The following PPP6R3 variants were observed in gnomAD, a reference collection of about 807,000 sequenced individuals.
The protein encoded by PPP6R3 is protein phosphatase 6 regulatory subunit 3, also known as serine/threonine-protein phosphatase 6 regulatory subunit 3.
Under a neutral mutation model 110.7 loss-of-function variants are expected in PPP6R3, and 38 were observed. The observed-to-expected ratio is 0.34, with a 90% CI of 0.26 to 0.45. PPP6R3 has a LOEUF of 0.45. Among genes scored for constraint, PPP6R3 ranks in the 20% least tolerant of loss-of-function variants. PPP6R3 has a pLI of 1.00. For missense variants in PPP6R3, 870 were observed against 1,062.4 expected, an observed-to-expected ratio of 0.82 and a Z score of 2.52; for synonymous variants, 369 against 373.5, an observed-to-expected ratio of 0.99 and a Z score of 0.14.
intron 1 of PPP6R3, among the ~76,000 whole-genome samples, chr11:68,502,462 G>T (rs1158081350): frequency 6.6e-6 from 1 of 152,120 alleles, no homozygotes; most frequent in Non-Finnish European, 1.5e-5. Context: ...TGCAGGGGGC[G>T]CTAACCAAGA....
intron 17 of PPP6R3, 88 bp from the exon 18 acceptor site, chr11:68,591,488 A>G: frequency 7.6e-7 from 1 of 1,311,364 alleles, no homozygotes; most frequent in Non-Finnish European, 1.0e-6. Flanking sequence ...AAGCAGTGAA[A>G]AAATGCAATT....
intron 1 of PPP6R3, among the ~76,000 whole-genome samples, chr11:68,470,753 G>C (rs1433385924): frequency 1.3e-5 from 2 of 152,124 alleles, no homozygotes; most frequent in Non-Finnish European, 2.9e-5. Context: ...AGGATTTGCT[G>C]GCAGATTGGA....
intron 15 of PPP6R3, 78 bp downstream of exon 15, chr11:68,583,207 G>C: frequency 8.9e-7 from 1 of 1,120,600 alleles, no homozygotes; most frequent in Non-Finnish European, 1.3e-6. Context: ...ATCAGCTTCA[G>C]AGTCAGATTA....
In PPP6R3 at chr11:68,601,392, G is replaced by GT. The variant is rs543423527; in HGVS notation, c.2193-464dup. ...ACCCCTTACTGCTCAGGCATTTGGT[G>GT]TTTTTTTACTATGTTTCCACAGTTC... is the stretch of plus-strand genomic sequence containing the variant. On this transcript the variant is annotated intron_variant, in intron 20 of 23. Transcript: ENST00000393800. Among the ~76,000 whole-genome samples, 20 of 152,258 alleles carry GT rather than the reference G, an allele frequency of 1.3e-4. No homozygotes were observed. The South Asian group carries it at 3.5e-3, about 27-fold the overall frequency.
rs917321447 is a variant in PPP6R3, at chr11:68,603,389, G to A, written c.2347G>A (p.Ala783Thr). ...AGCCAGCTCTGACGGAGAGGAGGAT[G>A]CAGAAAGTACAGACAAGGTAACTGA... ...MEASSDGEED[A>T]ESTDKVTETV... The change falls in exon 22 of 24, where the codon GCA becomes ACA. Residue 783 changes from alanine to threonine, a missense_variant. Physicochemically the swap from Ala to Thr is moderately conservative, Grantham distance 58 (BLOSUM62 0). Transcript: ENST00000393800. 1.9e-6 allele frequency: 3 copies of A among 1,613,938 alleles called. No individual in the cohort carries two copies. The highest frequency in any genetic ancestry group is 1.7e-6 in the Non-Finnish European group (2 of 1,180,020).
chr11:68,542,027 G>C (rs902080587), intron 3 of PPP6R3, among the ~76,000 whole-genome samples: 4 of 151,960 alleles, frequency 2.6e-5, no homozygotes, highest in Admixed American at 2.6e-4. Context: ...TGGAGTCAGG[G>C]GTGGTGTGGG....
chr11:68,533,491 T>A (rs1400289186), intron 2 of PPP6R3, among the ~76,000 whole-genome samples: 2 of 151,862 alleles, frequency 1.3e-5, no homozygotes, highest in Non-Finnish European at 2.9e-5. Context: ...GGTGGTCGAT[T>A]GCTTGAGTTT....
At chr11:68,502,113 C>G (rs2153484211) in intron 1 of PPP6R3, among the ~76,000 whole-genome samples, 1 of 152,276 alleles carries the variant, frequency 6.6e-6, no homozygotes, top group East Asian at 1.9e-4. Flanking sequence ...ATGAAATGCT[C>G]AGGACAGTGT....
At chr11:68,563,251 A>C (rs142056718) in intron 8 of PPP6R3, among the ~76,000 whole-genome samples, 1 of 152,322 alleles carries the variant, frequency 6.6e-6, no homozygotes, top group East Asian at 1.9e-4. Context: ...CTAGAAGTCT[A>C]AGATCAAGGT....
At chr11:68,542,389 G>GTTTTTTTTTGTTTTTTTTTTT (rs1555132287) in intron 3 of PPP6R3, among the ~76,000 whole-genome samples, 1 of 40,188 alleles carries the variant, frequency 2.5e-5, no homozygotes, top group Admixed American at 4.3e-4. Flanking sequence ...AGAAGCTGCT[G>GTTTTTTTTTGTTTTTTTTTTT]TTTTTTTTTT....
rs1331568051 is a variant in PPP6R3, at chr11:68,613,578, CAAG to C, written c.*462_*464del. The C allele has an allele frequency of 3.0e-6, 3 of 986,052 alleles. No homozygotes were observed. The highest frequency in any genetic ancestry group is 4.7e-5 in the South Asian group (1 of 21,300). 61.1% of individuals were successfully genotyped at this position (986,052 alleles called of 1,614,324 possible). On this transcript the variant is annotated 3_prime_UTR_variant, in exon 24 of 24. Transcript: ENST00000393800. Reference sequence around the variant, plus strand: ...TGAATTCATTTTTCCTCCAGGCCGACAAGGAGTTGTAGAATGAAAATGCCCTCT... The same window carrying C: ...TGAATTCATTTTTCCTCCAGGCCGACGAGTTGTAGAATGAAAATGCCCTCT...
chr11:68,569,842 A>G lies in PPP6R3; in HGVS notation c.1223A>G (p.Glu408Gly). ...CTTGCAAGTCCTTTTGAAAACACAG[A>G]AAATGCCACAATTACCGATCAAGAC... ...LILASPFENTENATITDQDST... is the reference protein window; with the variant it reads ...LILASPFENTGNATITDQDST... Residue 408 changes from glutamate (E) to glycine (G), a missense_variant, in exon 11 of 24, where the codon GAA (glutamate) becomes GGA (glycine). Coordinates refer to ENST00000393800, the MANE Select transcript of PPP6R3 (RefSeq NM_001164161.2). The G allele has an allele frequency of 6.2e-7, 1 of 1,612,616 alleles. No individual in the cohort carries two copies. Among genetic ancestry groups the G allele is most frequent in the Non-Finnish European group, 8.5e-7 (1 of 1,178,982 alleles).
At chr11:68,555,281 A>G (rs1218750522) in intron 7 of PPP6R3, among the ~76,000 whole-genome samples, 1 of 152,160 alleles carries the variant, frequency 6.6e-6, no homozygotes, top group East Asian at 1.9e-4. Flanking sequence ...CCCACATTCA[A>G]ATACTAATTG....
At position 68,596,226 on chromosome 11, in the gene PPP6R3, G is replaced by GC. The variant is rs1463291259; in HGVS notation, c.2038+8_2038+9insC. 6.2e-7 allele frequency: 1 copy of GC among 1,614,172 alleles called. No homozygotes were observed. Among genetic ancestry groups the GC allele is most frequent in the Admixed American group, 1.7e-5 (1 of 60,022 alleles). ...AGGTGGACCTGAGTGAACGTAAGTG[G>GC]ATTCATTCTTCAGATCAGCTGCCCT... On this transcript the variant is annotated intron_variant, in intron 19 of 23. Transcript: ENST00000393800.
At chr11:68,464,901 G>A (rs1350436305) in intron 1 of PPP6R3, among the ~76,000 whole-genome samples, 1 of 143,156 alleles carries the variant, frequency 7.0e-6, no homozygotes, top group Non-Finnish European at 1.5e-5. Flanking sequence ...TTTTTTTTTC[G>A]GAGACAGTCT....
At chr11:68,515,742 C>A (rs959947626) in intron 1 of PPP6R3, among the ~76,000 whole-genome samples, 4 of 152,174 alleles carry the variant, frequency 2.6e-5, no homozygotes, top group African/African-American at 9.7e-5. Context: ...CTTGTGACTC[C>A]ATTTAACTGT....
intron 18 of PPP6R3, among the ~76,000 whole-genome samples, chr11:68,593,584 A>G (rs1273857669): frequency 6.6e-6 from 1 of 152,264 alleles, no homozygotes; most frequent in South Asian, 2.1e-4. Flanking sequence ...AACAAAGGAA[A>G]TAAAATCAAA....
rs184613124 is a variant in PPP6R3, at chr11:68,589,821, G to A, written c.1731-839G>A. Among the ~76,000 whole-genome samples the A allele has an allele frequency of 1.8e-4, 28 of 152,380 alleles. No individual in the cohort carries two copies. The East Asian group carries it at 5.2e-3, about 28-fold the overall frequency. On this transcript the variant is annotated intron_variant, in intron 16 of 23. Transcript: ENST00000393800. The stretch of plus-strand genomic sequence containing the variant: ...ATTGTGCTATAAACATGCCGTATGG[G>A]CACAGTGGAATGGAGGTGCCGCTGT...
At chr11:68,598,526 G>C (rs2099620988) in intron 19 of PPP6R3, among the ~76,000 whole-genome samples, 1 of 152,160 alleles carries the variant, frequency 6.6e-6, no homozygotes, top group Non-Finnish European at 1.5e-5. Flanking sequence ...TGCATCTTCA[G>C]ATCTCTGGAG....
Sources: allele counts gnomAD v4.1 joint callset (sites outside exome capture counted in the v4.1 genomes callset), GRCh38; gene constraint gnomAD v4.1.1; transcripts MANE v1.5; gene names NCBI Gene and HGNC (gene_info 2026-07-23, HGNC 2026-07-21).